The following PDE7B variants were observed in gnomAD, a reference collection of about 807,000 sequenced individuals.
The protein encoded by PDE7B is 3',5'-cyclic-AMP phosphodiesterase 7B.
PDE7B carries 29 observed loss-of-function variants against 56.2 expected under a neutral mutation model. The ratio of observed to expected loss-of-function variants is 0.52; its 90% CI spans 0.38 to 0.70. PDE7B has a LOEUF of 0.70. Among genes scored for constraint, PDE7B ranks in the 30% least tolerant of loss-of-function variants. The pLI is 0.00. For synonymous variants in PDE7B, 197 were observed against 196.9 expected, an observed-to-expected ratio of 1.00 and a Z score of 0.00; for missense variants, 490 against 565.0, an observed-to-expected ratio of 0.87 and a Z score of 1.35.
chr6:136,139,890 A>G (rs1489789754), intron 3 of PDE7B, among the ~76,000 whole-genome samples: 2 of 151,720 alleles, frequency 1.3e-5, no homozygotes, highest in South Asian at 2.1e-4. Context: ...AGATGAGTAG[A>G]TTGCAAAAAT....
chr6:136,192,617 A>G lies in PDE7B; in HGVS notation c.*777A>G, dbSNP rs981174366. On this transcript the variant is annotated 3_prime_UTR_variant, in exon 13 of 13. Coordinates refer to ENST00000308191, the MANE Select transcript of PDE7B (RefSeq NM_018945.4). ...TGGATTCTGTGACATGTTTATATTC[A>G]CCCATGTACATTTTCTGTAAATACC... The G allele has an allele frequency of 1.3e-5, 2 of 152,562 alleles. No individual in the cohort carries two copies. Among genetic ancestry groups the G allele is most frequent in the Admixed American group, 1.3e-4 (2 of 15,266 alleles). The allele number at this position is 152,562 out of a possible 1,614,324, so 9.5% of individuals were successfully genotyped here.
intron 1 of PDE7B, among the ~76,000 whole-genome samples, chr6:135,928,868 C>T (rs1465475639): frequency 6.6e-6 from 1 of 152,010 alleles, no homozygotes; most frequent in Non-Finnish European, 1.5e-5. Context: ...ACTATGCTCA[C>T]TACCTGGGTA....
intron 2 of PDE7B, among the ~76,000 whole-genome samples, chr6:136,083,817 C>T (rs1383709954): frequency 6.6e-6 from 1 of 152,164 alleles, no homozygotes; most frequent in Non-Finnish European, 1.5e-5. Flanking sequence ...CCCTCTCTCT[C>T]TCTCCTCCCA....
chr6:136,003,397 A>C (rs1417824135), intron 2 of PDE7B, among the ~76,000 whole-genome samples: 2 of 152,320 alleles, frequency 1.3e-5, no homozygotes, highest in East Asian at 3.9e-4. Flanking sequence ...CCTTCAAAAA[A>C]TTAATGAATC....
intron 2 of PDE7B, among the ~76,000 whole-genome samples, chr6:135,980,651 G>A (rs1258933978): frequency 1.3e-5 from 2 of 151,934 alleles, no homozygotes; most frequent in Non-Finnish European, 1.5e-5. Flanking sequence ...CTCAAAAGAC[G>A]ACATTTATGC....
At chr6:136,176,372 AGTTT>A (rs530147800) in intron 9 of PDE7B, among the ~76,000 whole-genome samples, 102 of 152,196 alleles carry the variant, frequency 6.7e-4, no homozygotes, top group African/African-American at 2.2e-3. Context: ...AGATCTTTTC[AGTTT>A]ATTTTCTGTG....
chr6:135,944,038 C>T (rs1275734711), intron 1 of PDE7B, among the ~76,000 whole-genome samples: 1 of 152,140 alleles, frequency 6.6e-6, no homozygotes, highest in Non-Finnish European at 1.5e-5. Context: ...ATATTTCAGG[C>T]ACAGAAGACA....
At chr6:136,172,284 C>T (rs547240260) in intron 8 of PDE7B, among the ~76,000 whole-genome samples, 11 of 152,186 alleles carry the variant, frequency 7.2e-5, no homozygotes, top group East Asian at 1.9e-4. Flanking sequence ...TTTCTCCACA[C>T]CCTCTCCAGC....
intron 2 of PDE7B, among the ~76,000 whole-genome samples, chr6:135,978,411 G>A (rs79360832): frequency 0.029 from 4,411 of 152,162 alleles, 210 homozygotes; most frequent in African/African-American, 0.099. Context: ...TATGAAGACC[G>A]AGAATGTTAC....
At chr6:135,910,906 A>G (rs1269375450) in intron 1 of PDE7B, among the ~76,000 whole-genome samples, 1 of 152,200 alleles carries the variant, frequency 6.6e-6, no homozygotes, top group Non-Finnish European at 1.5e-5. Context: ...CCATATTCTT[A>G]GAAAATATCT....
intron 1 of PDE7B, among the ~76,000 whole-genome samples, chr6:135,896,504 A>C (rs1412512434): frequency 6.6e-6 from 1 of 152,158 alleles, no homozygotes. Flanking sequence ...ATCTGCTTCA[A>C]AACTTTGCTA....
At chr6:135,872,698 A>G (rs1040161557) in intron 1 of PDE7B, among the ~76,000 whole-genome samples, 3 of 152,200 alleles carry the variant, frequency 2.0e-5, no homozygotes, top group African/African-American at 4.8e-5. Context: ...GATAAAGACT[A>G]TCAAGGACTA....
At chr6:135,909,174 GAAAA>G (rs992515161) in intron 1 of PDE7B, among the ~76,000 whole-genome samples, 1 of 151,136 alleles carries the variant, frequency 6.6e-6, no homozygotes, top group Admixed American at 6.6e-5. Flanking sequence ...ATTTTAAAAA[GAAAA>G]AAAAATTCGG....
intron 3 of PDE7B, among the ~76,000 whole-genome samples, chr6:136,116,842 G>A (rs1222570966): frequency 1.3e-5 from 2 of 152,130 alleles, no homozygotes; most frequent in East Asian, 1.9e-4. Flanking sequence ...TTTGTTCAGG[G>A]GCCCCTGTAT....
In PDE7B at chr6:136,048,416, G is replaced by A. The variant is rs545813506; in HGVS notation, c.83-60315G>A. Among the ~76,000 whole-genome samples, 13 of 152,266 alleles carry A rather than the reference G, an allele frequency of 8.5e-5. No homozygotes were observed. The East Asian group carries it at 2.5e-3, about 29-fold the overall frequency. On this transcript the variant is annotated intron_variant, in intron 2 of 12. Transcript: ENST00000308191. ...GGGTGCCTGTAACCCAGCTACTCGG[G>A]AGGCTGAGGCAGGAGAATCCTCGAA...
At chr6:136,065,583 C>T (rs958817336) in intron 2 of PDE7B, among the ~76,000 whole-genome samples, 4 of 152,108 alleles carry the variant, frequency 2.6e-5, no homozygotes, top group Non-Finnish European at 5.9e-5. Flanking sequence ...AATCGGCTCA[C>T]CCCTTCCATA....
At chr6:135,911,350 T>A (rs1351588196) in intron 1 of PDE7B, among the ~76,000 whole-genome samples, 1 of 152,222 alleles carries the variant, frequency 6.6e-6, no homozygotes, top group Admixed American at 6.5e-5. Context: ...TGGATGACCT[T>A]GGCCACCACA....
intron 1 of PDE7B, among the ~76,000 whole-genome samples, chr6:135,906,810 G>GTTTTTTTTTTTTTTTTTTTTTTTTTTT (rs869049424): frequency 8.4e-5 from 5 of 59,542 alleles, no homozygotes; most frequent in African/African-American, 2.1e-4. Flanking sequence ...AATGAGGTTT[G>GTTTTTTTTTTTTTTTTTTTTTTTTTTT]TTTTTTTTTT....
rs1160519781 is a variant in PDE7B at position 136,195,056 on chromosome 6, A to C, written c.*3216A>C. ...GGACTGTGTGTAGTAAGCTGACGGT[A>C]AAGTTAAGATTAAATTAAGACAGAG... On this transcript the variant is annotated 3_prime_UTR_variant, in exon 13 of 13. Transcript: ENST00000308191. 6.6e-6 allele frequency: 1 copy of C among 152,214 alleles called. No individual in the cohort carries two copies. The highest frequency in any genetic ancestry group is 1.5e-5 in the Non-Finnish European group (1 of 68,036). 9.4% of individuals were successfully genotyped at this position (152,214 alleles called of 1,614,324 possible).
Sources: allele counts gnomAD v4.1 joint callset (sites outside exome capture counted in the v4.1 genomes callset), GRCh38; gene constraint gnomAD v4.1.1; transcripts MANE v1.5; gene names NCBI Gene and HGNC (gene_info 2026-07-23, HGNC 2026-07-21).